The following TMEM186 variants were observed in gnomAD, a reference collection of about 807,000 sequenced individuals.
The protein encoded by TMEM186 is chromosome 16 open reading frame 51.
In TMEM186, 2 loss-of-function variants were observed where a neutral mutation model predicts 2.5. The ratio of observed to expected loss-of-function variants is 0.79; its 90% CI spans 0.32 to 2.50. The LOEUF (loss-of-function observed/expected upper bound fraction) is 2.50. Among genes scored for constraint, TMEM186 ranks in the 30% most tolerant of loss-of-function variants. The pLI, the probability that TMEM186 is intolerant of heterozygous loss-of-function variation, is 0.11. For synonymous variants in TMEM186, 120 were observed against 104.9 expected (o/e 1.14, Z -0.88); for missense variants, 321 against 276.5 (o/e 1.16, Z -1.14).
chr16:8,796,556 C>T lies in TMEM186; in HGVS notation c.38G>A (p.Gly13Glu). The part of the protein sequence containing the change: ...ALLRAVRRFR[G>E]KAVWERPLHG... ...GAGAGGCCTTTCCCACACAGCTTTT[C>T]CCCGAAACCTACGCACAGCTCGGAG... Residue 13 changes from glycine (G) to glutamate (E), a missense_variant, in exon 2 of 2, where the codon GGA (glycine) becomes GAA (glutamate). Coordinates refer to ENST00000333050, the MANE Select transcript of TMEM186 (RefSeq NM_015421.4). 1.9e-6 allele frequency: 3 copies of T among 1,614,016 alleles called. No individual in the cohort carries two copies. Among genetic ancestry groups the T allele is most frequent in the African/African-American group, 1.3e-5 (1 of 75,054 alleles).
At position 8,797,603 on chromosome 16, in the gene TMEM186, C is replaced by G; in HGVS notation, c.3+9G>C. 6.2e-7 allele frequency: 1 copy of G among 1,605,008 alleles called. No individual in the cohort carries two copies. Among genetic ancestry groups the G allele is most frequent in the Non-Finnish European group, 8.5e-7 (1 of 1,176,302 alleles). ...TCACCCCCTCAAGGCTCGCCACCCG[C>G]CTCCTTACCATGGCCCCACCACCTG... On this transcript the variant is annotated intron_variant, in intron 1 of 1. Transcript: ENST00000333050.
intron 1 of TMEM186, among the ~76,000 whole-genome samples, chr16:8,797,379 A>C (rs2060583380): frequency 6.6e-6 from 1 of 152,190 alleles, no homozygotes; most frequent in African/African-American, 2.4e-5. Flanking sequence ...AGAGTCCTCA[A>C]CTTAGTACCT....
chr16:8,796,049 C>T lies in TMEM186; in HGVS notation c.545G>A (p.Ser182Asn), dbSNP rs765740209. 1.1e-5 allele frequency: 17 copies of T among 1,614,126 alleles called. No homozygotes were observed. The South Asian group carries it at 1.8e-4, about 17-fold the overall frequency. ...GGTGACGTAGAAGGTCTGTTTCCCA[C>T]TGTACCGCTGGATACGCACAAACAT... is the stretch of plus-strand genomic sequence containing the variant. ...QEMFVRIQRY[S>N]GKQTFYVTLR... The change falls in exon 2 of 2, where the codon AGT becomes AAT. Residue 182 changes from serine to asparagine, a missense_variant. Ser to Asn is a conservative substitution (Grantham distance 46). Coordinates refer to ENST00000333050, the MANE Select transcript of TMEM186 (RefSeq NM_015421.4).
At chr16:8,797,228 G>A (rs750717889) in intron 1 of TMEM186, among the ~76,000 whole-genome samples, 16 of 152,088 alleles carry the variant, frequency 1.1e-4, no homozygotes, top group Non-Finnish European at 2.2e-4. Flanking sequence ...ATTACTAGGT[G>A]GGTAGTGAAG....
In TMEM186 at chr16:8,797,608, T is replaced by C. The variant is rs555268859; in HGVS notation, c.3+4A>G. On this transcript the variant is annotated splice_donor_region_variant and intron_variant, in intron 1 of 1. Coordinates refer to ENST00000333050, the MANE Select transcript of TMEM186 (RefSeq NM_015421.4). ...CCCTCAAGGCTCGCCACCCGCCTCC[T>C]TACCATGGCCCCACCACCTGCTGCC... 5 of 1,582,944 alleles carry C rather than the reference T, an allele frequency of 3.2e-6. No homozygotes were observed. In the South Asian group the frequency reaches 5.6e-5, roughly 18 times the overall value.
In TMEM186 at chr16:8,795,875, T is replaced by G. The variant is rs2060572000; in HGVS notation, c.*77A>C. Reference sequence around the variant, plus strand: ...TCTCCAAGTACCCAGTCCCCTTTCTTCAGCCTTGCCCACACCCTCAGCCTT... The same window carrying G: ...TCTCCAAGTACCCAGTCCCCTTTCTGCAGCCTTGCCCACACCCTCAGCCTT... On this transcript the variant is annotated 3_prime_UTR_variant, in exon 2 of 2. Transcript: ENST00000333050. The G allele has an allele frequency of 6.6e-7, 1 of 1,514,642 alleles. No individual in the cohort carries two copies. The highest frequency in any genetic ancestry group is 8.9e-7 in the Non-Finnish European group (1 of 1,125,564). 93.8% of individuals were successfully genotyped at this position (1,514,642 alleles called of 1,614,324 possible).
Position 8,796,184 on chromosome 16 carries a change from C to T in TMEM186, c.410G>A (p.Gly137Asp), listed in dbSNP as rs985446138. 8 of 1,614,172 alleles carry T rather than the reference C, an allele frequency of 5.0e-6. No homozygotes were observed. The highest frequency in any genetic ancestry group is 3.3e-5 in the Admixed American group (2 of 60,024). Reference protein sequence around the residue: ...LVGILYLNESGTMLRVAHLNF... With the variant: ...LVGILYLNESDTMLRVAHLNF... ...CAGATGGGCCACCCGCAGCATGGTG[C>T]CAGACTCATTCAGATACAGGATACC... The change falls in exon 2 of 2, where the codon GGC (glycine) becomes GAC (aspartate). Residue 137 changes from glycine to aspartate, a missense_variant. Transcript: ENST00000333050.
intron 1 of TMEM186, 89 bp from the exon 2 acceptor site, chr16:8,796,679 C>A: frequency 6.8e-7 from 1 of 1,471,972 alleles, no homozygotes; most frequent in Middle Eastern, 1.8e-4. Flanking sequence ...TACTCTAAGG[C>A]TTCTGCCAAT....
chr16:8,797,463 G>A, intron 1 of TMEM186, 149 bp downstream of exon 1: 1 of 1,059,186 alleles, frequency 9.4e-7, no homozygotes, highest in Non-Finnish European at 1.4e-6. Context: ...GCAAGAGAAA[G>A]CCCGGGAAAA....
At position 8,796,487 on chromosome 16, in the gene TMEM186, C is replaced by T. The variant is rs1278661287; in HGVS notation, c.107G>A (p.Trp36Ter). ...CCSGQEDPKRWVGSSSPISKE... is the reference protein window; with the variant it reads ...CCSGQEDPKR ...CGAGATGGGTGAACTGCTGCCCACC[C>T]ACCTCTTAGGATCCTCCTGCCCACT... Residue 36 changes from tryptophan (W) to a stop codon, truncating the protein, a stop_gained, in exon 2 of 2, where the codon TGG becomes TAG. Coordinates refer to ENST00000333050, the MANE Select transcript of TMEM186 (RefSeq NM_015421.4). LOFTEE classifies it low-confidence loss of function (END_TRUNC). The T allele has an allele frequency of 2.5e-6, 4 of 1,614,088 alleles. No homozygotes were observed. Among genetic ancestry groups the T allele is most frequent in the Admixed American group, 3.3e-5 (2 of 60,004 alleles).
At chr16:8,797,556 C>T (rs908520335) in intron 1 of TMEM186, 56 bp downstream of exon 1, 7 of 1,575,426 alleles carry the variant, frequency 4.4e-6, no homozygotes, top group Non-Finnish European at 6.0e-6. Flanking sequence ...CGCCCCAGCC[C>T]TGACCCCGAC....
Position 8,795,716 on chromosome 16 carries a change from C to A in TMEM186, c.*236G>T, listed in dbSNP as rs927105895. On this transcript the variant is annotated 3_prime_UTR_variant, in exon 2 of 2. Transcript: ENST00000333050. ...ACTGGCTCTTAACAAAAACTTCTGG[C>A]CATTATCTGACTGAATGTCACAAAC... 5.0e-5 allele frequency: 25 copies of A among 503,670 alleles called. No homozygotes were observed. The highest frequency in any genetic ancestry group is 4.7e-4 in the African/African-American group (25 of 52,674). The allele number at this position is 503,670 out of a possible 1,614,324, so 31.2% of individuals were successfully genotyped here. A position where few individuals can be genotyped will look rare whatever the true frequency, so the allele number is the denominator to read the frequency against.
rs764478384 is a variant in TMEM186, at chr16:8,797,599, C to G, written c.3+13G>C. On this transcript the variant is annotated intron_variant, in intron 1 of 1. Transcript: ENST00000333050. ...AGCATCACCCCCTCAAGGCTCGCCA[C>G]CCGCCTCCTTACCATGGCCCCACCA... 13 of 1,603,964 alleles carry G rather than the reference C, an allele frequency of 8.1e-6. No individual in the cohort carries two copies. The highest frequency in any genetic ancestry group is 1.1e-5 in the Non-Finnish European group (13 of 1,175,854).
rs1596480433 is a variant in TMEM186 at position 8,795,660 on chromosome 16, A to T, written c.*292T>A. On this transcript the variant is annotated 3_prime_UTR_variant, in exon 2 of 2. Transcript: ENST00000333050. Reference sequence around the variant, plus strand: ...TTTCTCTTTCACACCAATGGACTCTATGGGTGACCTTGGCATAGGTTCTTC... The same window carrying T: ...TTTCTCTTTCACACCAATGGACTCTTTGGGTGACCTTGGCATAGGTTCTTC... The T allele has an allele frequency of 2.3e-5, 8 of 351,552 alleles. No individual in the cohort carries two copies. In the East Asian group the frequency reaches 3.9e-4, roughly 17 times the overall value. The allele number at this position is 351,552 out of a possible 1,614,324, so 21.8% of individuals were successfully genotyped here.
At position 8,795,817 on chromosome 16, in the gene TMEM186, A is replaced by T; in HGVS notation, c.*135T>A. The T allele has an allele frequency of 9.2e-7, 1 of 1,092,684 alleles. No individual in the cohort carries two copies. Among genetic ancestry groups the T allele is most frequent in the Non-Finnish European group, 1.3e-6 (1 of 751,568 alleles). The allele number at this position is 1,092,684 out of a possible 1,614,324, so 67.7% of individuals were successfully genotyped here. A position where few individuals can be genotyped will look rare whatever the true frequency, so the allele number is the denominator to read the frequency against. ...CTCTTGCCTTGTGAATTTATTCACC[A>T]CAAAACACATGTTCCCAGGGGCCCA... is the stretch of plus-strand genomic sequence containing the variant. On this transcript the variant is annotated 3_prime_UTR_variant, in exon 2 of 2. Coordinates refer to ENST00000333050, the MANE Select transcript of TMEM186 (RefSeq NM_015421.4).
At chr16:8,796,735 G>C (rs2060578938) in intron 1 of TMEM186, 145 bp from the exon 2 acceptor site, 5 of 968,368 alleles carry the variant, frequency 5.2e-6, no homozygotes, top group Non-Finnish European at 7.5e-6. Context: ...GGTAAAGCCA[G>C]ATGCTATCTC....
chr16:8,797,408 G>C (rs969581279), intron 1 of TMEM186, among the ~76,000 whole-genome samples: 1 of 151,842 alleles, frequency 6.6e-6, no homozygotes, highest in East Asian at 1.9e-4. Flanking sequence ...GTGAGAGCTC[G>C]GCGAGTTTTA....
Position 8,796,426 on chromosome 16 carries a change from G to C in TMEM186, c.168C>G (p.Phe56Leu). 1 of 1,614,210 alleles carries C rather than the reference G, an allele frequency of 6.2e-7. No homozygotes were observed. The highest frequency in any genetic ancestry group is 8.5e-7 in the Non-Finnish European group (1 of 1,180,032). Reference sequence around the variant, plus strand: ...TGGCATCAAAACGGTAAAACATCCAGAATTTCTCAGTCTCTGCGTTTGGTA... The same window carrying C: ...TGGCATCAAAACGGTAAAACATCCACAATTTCTCAGTCTCTGCGTTTGGTA... ...EKLPNAETEK[F>L]WMFYRFDAIR... The change falls in exon 2 of 2, where the codon TTC becomes TTG. Residue 56 changes from phenylalanine to leucine, a missense_variant. Physicochemically the swap from Phe to Leu is conservative, Grantham distance 22 (BLOSUM62 0). Coordinates refer to ENST00000333050, the MANE Select transcript of TMEM186 (RefSeq NM_015421.4).
At position 8,796,273 on chromosome 16, in the gene TMEM186, A is replaced by G. The variant is rs374086395; in HGVS notation, c.321T>C (p.Ser107=). 1.2e-6 allele frequency: 2 copies of G among 1,614,120 alleles called. No individual in the cohort carries two copies. The highest frequency in any genetic ancestry group is 1.1e-5 in the South Asian group (1 of 91,086). ...LLTLNTVCLM[S]GISGFALTML... ...TGGTCAGGGCAAAGCCCGATATCCC[A>G]CTCATGAGGCACACGGTGTTGAGAG... The change falls in exon 2 of 2, where the codon AGT becomes AGC. Residue 107 remains serine (S), a synonymous_variant. Transcript: ENST00000333050.
Sources: allele counts gnomAD v4.1 joint callset (sites outside exome capture counted in the v4.1 genomes callset), GRCh38; gene constraint gnomAD v4.1.1; transcripts MANE v1.5; gene names NCBI Gene and HGNC (gene_info 2026-07-23, HGNC 2026-07-21).